CLNK: variants seen among roughly 807,000 people sequenced by gnomAD.
The protein encoded by CLNK is cytokine-dependent hematopoietic cell linker.
A neutral mutation model predicts 68.6 loss-of-function variants in CLNK; 74 were observed. That is an observed-to-expected ratio of 1.08 (90% confidence interval 0.89 to 1.31). The LOEUF (loss-of-function observed/expected upper bound fraction) is 1.31, where lower values mean the gene tolerates loss of function less well. Ranked by LOEUF, CLNK falls within the 50% of genes most tolerant of loss-of-function variation. The pLI is 0.00. For synonymous variants in CLNK, 198 were observed against 172.2 expected, an observed-to-expected ratio of 1.15 and a Z score of -1.17; for missense variants, 553 against 515.3, an observed-to-expected ratio of 1.07 and a Z score of -0.71.
the CLNK span, among the ~76,000 whole-genome samples, chr4:10,730,728 G>A: frequency 6.6e-6 from 1 of 152,154 alleles, no homozygotes; most frequent in Admixed American, 6.5e-5. Flanking sequence ...AGTTTCATAT[G>A]GGTCTATTCT....
At position 10,680,576 on chromosome 4, in the gene CLNK, T is replaced by A. The variant is rs193072155; in HGVS notation, c.-43+4092A>T. Among the ~76,000 whole-genome samples, 19 of 152,250 alleles carry A rather than the reference T, an allele frequency of 1.2e-4. No individual in the cohort carries two copies. In the East Asian group the frequency reaches 2.9e-3, roughly 23 times the overall value. Reference sequence around the variant, plus strand: ...GGCCAAGAATCTAAGGAAGGTTTGTTTAAATATAAAATAAACTCATAATAA... The same window carrying A: ...GGCCAAGAATCTAAGGAAGGTTTGTATAAATATAAAATAAACTCATAATAA... On this transcript the variant is annotated intron_variant, in intron 1 of 18. Transcript: ENST00000226951.
At chr4:10,697,248 C>T in the CLNK span, 26 of 152,280 alleles carry the variant, frequency 1.7e-4, no homozygotes, top group African/African-American at 5.8e-4. Context: ...ACACTGGATC[C>T]GTGCCTTCTC....
intron 18 of CLNK, among the ~76,000 whole-genome samples, chr4:10,492,064 T>A (rs974728676): frequency 6.6e-6 from 1 of 152,132 alleles, no homozygotes; most frequent in African/African-American, 2.4e-5. Flanking sequence ...CTCCCATGTT[T>A]CAAGACAACT....
chr4:10,701,673 T>TTTA, the CLNK span, among the ~76,000 whole-genome samples: 4 of 152,182 alleles, frequency 2.6e-5, no homozygotes, highest in Non-Finnish European at 5.9e-5. Context: ...AGGCTTCACA[T>TTTA]TTATTAGCTC....
At chr4:10,691,095 G>A in the CLNK span, among the ~76,000 whole-genome samples, 4 of 152,124 alleles carry the variant, frequency 2.6e-5, no homozygotes, top group Non-Finnish European at 5.9e-5. Flanking sequence ...CTCTGGAGGG[G>A]AGAGATTTCC....
At chr4:10,658,034 G>C (rs975662989) in intron 2 of CLNK, among the ~76,000 whole-genome samples, 1 of 152,090 alleles carries the variant, frequency 6.6e-6, no homozygotes, top group African/African-American at 2.4e-5. Context: ...TTGCTGCTTG[G>C]TAACATCCCA....
At chr4:10,543,132 G>A (rs1486564313) in intron 8 of CLNK, among the ~76,000 whole-genome samples, 1 of 152,128 alleles carries the variant, frequency 6.6e-6, no homozygotes, top group African/African-American at 2.4e-5. Flanking sequence ...GTTGCCATAG[G>A]CTTTATACCT....
chr4:10,579,327 A>G (rs1720693925), intron 4 of CLNK, among the ~76,000 whole-genome samples: 2 of 152,314 alleles, frequency 1.3e-5, no homozygotes, highest in South Asian at 4.2e-4. Flanking sequence ...GTATTATGAG[A>G]GTAAATGAGT....
intron 15 of CLNK, among the ~76,000 whole-genome samples, chr4:10,517,924 A>G (rs1039607244): frequency 6.6e-6 from 1 of 152,236 alleles, no homozygotes; most frequent in Non-Finnish European, 1.5e-5. Context: ...GAATGAATGA[A>G]TGAAAGAAAT....
intron 4 of CLNK, among the ~76,000 whole-genome samples, chr4:10,582,543 T>C (rs1462300319): frequency 6.6e-6 from 1 of 152,162 alleles, no homozygotes; most frequent in Non-Finnish European, 1.5e-5. Context: ...ATTCTTTATT[T>C]AGGGGAAGGA....
the CLNK span, among the ~76,000 whole-genome samples, chr4:10,701,181 G>A: frequency 6.6e-6 from 1 of 152,156 alleles, no homozygotes; most frequent in South Asian, 2.1e-4. Context: ...ATTTTGACAA[G>A]GAAATACTTA....
At chr4:10,553,394 T>TTAAC (rs1195717430) in intron 8 of CLNK, among the ~76,000 whole-genome samples, 1 of 152,198 alleles carries the variant, frequency 6.6e-6, no homozygotes, top group African/African-American at 2.4e-5. Context: ...TTATTTTTGT[T>TTAAC]TAACTCAGTG....
rs188090028 is a variant in CLNK at position 10,537,812 on chromosome 4, T to C, written c.602+2682A>G. Among the ~76,000 whole-genome samples the C allele has an allele frequency of 2.5e-3, 371 of 150,832 alleles. 1 individual carries two copies. The highest frequency in any genetic ancestry group is 5.9e-3 in the African/African-American group (243 of 40,956). ...TCTCTTGTTTGTTCTTTCTTTTCTTTTCTTCTTCTTTTCCTGTGCTGTGAC... is the reference window on the plus strand; with the variant it reads ...TCTCTTGTTTGTTCTTTCTTTTCTTCTCTTCTTCTTTTCCTGTGCTGTGAC... On this transcript the variant is annotated intron_variant, in intron 11 of 18. Coordinates refer to ENST00000226951, the MANE Select transcript of CLNK (RefSeq NM_052964.4).
chr4:10,565,949 T>C (rs1720090800), intron 6 of CLNK, 60 bp downstream of exon 6: 3 of 1,546,464 alleles, frequency 1.9e-6, no homozygotes, highest in Non-Finnish European at 2.6e-6. Flanking sequence ...CTTTAAATAG[T>C]GTGCAATATG....
intron 12 of CLNK, among the ~76,000 whole-genome samples, chr4:10,528,450 A>G (rs920171842): frequency 1.3e-5 from 2 of 152,172 alleles, no homozygotes; most frequent in African/African-American, 4.8e-5. Context: ...ACAACCTGAA[A>G]TCTGAGCCAA....
chr4:10,596,919 C>A (rs1325544961), intron 3 of CLNK, among the ~76,000 whole-genome samples: 1 of 152,198 alleles, frequency 6.6e-6, no homozygotes, highest in African/African-American at 2.4e-5. Context: ...TATCTCCCAT[C>A]TCTTGCTATT....
intron 7 of CLNK, among the ~76,000 whole-genome samples, chr4:10,563,822 A>G (rs1179777150): frequency 6.6e-6 from 1 of 152,130 alleles, no homozygotes; most frequent in East Asian, 1.9e-4. Context: ...CAGGAGAACC[A>G]CTTGAACCCG....
Position 10,513,360 on chromosome 4 carries a change from G to T in CLNK, c.906+104C>A. On this transcript the variant is annotated intron_variant, in intron 16 of 18. Coordinates refer to ENST00000226951, the MANE Select transcript of CLNK (RefSeq NM_052964.4). ...GTAACATATAGCCAGAAGGGAAAAA[G>T]TTAAAGTCAAACATAAATAATCTCC... 2.7e-6 allele frequency: 3 copies of T among 1,104,494 alleles called. No homozygotes were observed. In the South Asian group the frequency reaches 5.0e-5, roughly 18 times the overall value. The allele number at this position is 1,104,494 out of a possible 1,614,324, so 68.4% of individuals were successfully genotyped here. A position where few individuals can be genotyped will look rare whatever the true frequency, so the allele number is the denominator to read the frequency against.
intron 17 of CLNK, among the ~76,000 whole-genome samples, chr4:10,503,145 G>A (rs1717124038): frequency 6.6e-6 from 1 of 152,108 alleles, no homozygotes; most frequent in African/African-American, 2.4e-5. Flanking sequence ...TGTGTGTATT[G>A]TATAGATGGT....
Sources: gnomAD v4.1 joint callset for allele counts (sites outside exome capture counted in the v4.1 genomes callset) on GRCh38, gnomAD v4.1.1 for gene constraint, MANE v1.5 for transcripts, NCBI Gene and HGNC (gene_info 2026-07-23, HGNC 2026-07-21) for gene names.